Variants in CNBD1 observed in about 807,000 individuals in gnomAD.
The protein encoded by CNBD1 is cyclic nucleotide binding domain containing 1.
Under a neutral mutation model 54.4 loss-of-function variants are expected in CNBD1, and 71 were observed. The observed-to-expected ratio is 1.30, with a 90% CI of 1.08 to 1.59. The LOEUF is 1.59. Among genes scored for constraint, CNBD1 ranks in the 40% most tolerant of loss-of-function variants. The pLI is 0.00. For synonymous variants in CNBD1, 182 were observed against 170.7 expected, an observed-to-expected ratio of 1.07 and a Z score of -0.51; for missense variants, 659 against 518.0, an observed-to-expected ratio of 1.27 and a Z score of -2.64.
chr8:87,399,066 T>C (rs1563587175), intron 2 of CNBD1, among the ~76,000 whole-genome samples: 1 of 152,102 alleles, frequency 6.6e-6, no homozygotes, highest in African/African-American at 2.4e-5. Context: ...GAAAACTACT[T>C]ATTTCATTTA....
At chr8:86,947,185 T>A (rs1339753472) in intron 4 of CNBD1, among the ~76,000 whole-genome samples, 1 of 152,144 alleles carries the variant, frequency 6.6e-6, no homozygotes, top group Non-Finnish European at 1.5e-5. Context: ...ATTCCTTATT[T>A]GTCTCTCCTC....
intron 8 of CNBD1, among the ~76,000 whole-genome samples, chr8:87,320,293 C>G (rs13275422): frequency 0.27 from 40,512 of 151,960 alleles, 6,344 homozygotes; most frequent in Middle Eastern, 0.4. Context: ...ATCCTAATCA[C>G]TTAATTACAT....
At chr8:86,942,930 A>G (rs1310297839) in intron 4 of CNBD1, among the ~76,000 whole-genome samples, 3 of 152,194 alleles carry the variant, frequency 2.0e-5, no homozygotes, top group Non-Finnish European at 4.4e-5. Context: ...CCTTTTGTTT[A>G]TCTCTGACTA....
chr8:87,279,971 A>G (rs549903519), intron 6 of CNBD1, among the ~76,000 whole-genome samples: 3 of 151,552 alleles, frequency 2.0e-5, no homozygotes, highest in African/African-American at 4.8e-5. Flanking sequence ...ATCCTGAAAG[A>G]TATTTTTTTT....
chr8:86,993,015 G>A (rs997669052), intron 4 of CNBD1, among the ~76,000 whole-genome samples: 5 of 152,016 alleles, frequency 3.3e-5, no homozygotes, highest in Admixed American at 3.3e-4. Context: ...TGAAATTATG[G>A]AAATTTTCAT....
intron 4 of CNBD1, among the ~76,000 whole-genome samples, chr8:87,014,292 C>A (rs1355947420): frequency 1.3e-5 from 2 of 148,698 alleles, no homozygotes; most frequent in Non-Finnish European, 3.0e-5. Flanking sequence ...TTTTTTGCAT[C>A]TGTTGATCAA....
At chr8:87,380,957 T>G (rs13278256) in intron 10 of CNBD1, among the ~76,000 whole-genome samples, 114,722 of 151,902 alleles carry the variant, frequency 0.76, 44,441 homozygotes, top group African/African-American at 0.92. Context: ...GAATACGTAG[T>G]TAAAAATATT....
intron 8 of CNBD1, among the ~76,000 whole-genome samples, chr8:87,327,034 C>T (rs1809685086): frequency 6.7e-6 from 1 of 150,076 alleles, no homozygotes; most frequent in African/African-American, 2.5e-5. Flanking sequence ...ACAGCACCCT[C>T]AGCTGCAGAT....
At position 87,292,377 on chromosome 8, in the gene CNBD1, T is replaced by A. The variant is rs184618551; in HGVS notation, c.1042+5706T>A. On this transcript the variant is annotated intron_variant, in intron 8 of 10. Transcript: ENST00000518476. ...TTGAAAGTCTGTTCTCTTCAGTGAA[T>A]CACCAAGAGTAAAAGATTTGTAGAA... is the stretch of plus-strand genomic sequence containing the variant. Among the ~76,000 whole-genome samples the A allele has an allele frequency of 9.2e-5, 14 of 152,336 alleles. No homozygotes were observed. In the East Asian group the frequency reaches 2.7e-3, roughly 29 times the overall value.
At chr8:86,978,621 C>A (rs1325317538) in intron 4 of CNBD1, among the ~76,000 whole-genome samples, 2 of 140,090 alleles carry the variant, frequency 1.4e-5, no homozygotes, top group African/African-American at 2.7e-5. Flanking sequence ...TGGCTCACTG[C>A]AACCTCCGCA....
rs142145203 is a variant in CNBD1, at chr8:87,328,182, G to A, written c.1043-23503G>A. On this transcript the variant is annotated intron_variant, in intron 8 of 10. Transcript: ENST00000518476. ...CCCTGGTGTGTGATGTTCCCTCCCTGTGTCCATTGTTCGATATCCAGTTTT... is the reference window on the plus strand; with the variant it reads ...CCCTGGTGTGTGATGTTCCCTCCCTATGTCCATTGTTCGATATCCAGTTTT... Among the ~76,000 whole-genome samples the A allele has an allele frequency of 3.8e-3, 583 of 151,930 alleles. 5 individuals are homozygous for A. Among genetic ancestry groups the A allele is most frequent in the African/African-American group, 0.013 (559 of 41,446 alleles).
intron 7 of CNBD1, among the ~76,000 whole-genome samples, chr8:87,285,057 T>C (rs1334946644): frequency 6.6e-6 from 1 of 152,116 alleles, no homozygotes; most frequent in Non-Finnish European, 1.5e-5. Flanking sequence ...TGGCTTTTCA[T>C]TAATTTTAAA....
chr8:87,372,605 T>G (rs1644078455), intron 10 of CNBD1, among the ~76,000 whole-genome samples: 1 of 151,902 alleles, frequency 6.6e-6, no homozygotes, highest in African/African-American at 2.4e-5. Flanking sequence ...TAAACATTGA[T>G]GACATTGAAA....
At chr8:87,331,077 C>G (rs978556645) in intron 8 of CNBD1, among the ~76,000 whole-genome samples, 1 of 151,826 alleles carries the variant, frequency 6.6e-6, no homozygotes, top group African/African-American at 2.4e-5. Context: ...ACTTTAAGTT[C>G]GAGGATACAT....
At chr8:86,955,558 T>A (rs1807742803) in intron 4 of CNBD1, among the ~76,000 whole-genome samples, 1 of 152,248 alleles carries the variant, frequency 6.6e-6, no homozygotes, top group Admixed American at 6.5e-5. Context: ...CATTGTGGTT[T>A]TGATTTGCAT....
chr8:87,299,172 A>G (rs1808937983), intron 8 of CNBD1, among the ~76,000 whole-genome samples: 1 of 152,120 alleles, frequency 6.6e-6, no homozygotes, highest in Admixed American at 6.6e-5. Context: ...TCTGGGTTTT[A>G]TTTATTCATT....
intron 8 of CNBD1, among the ~76,000 whole-genome samples, chr8:87,312,309 T>G (rs1479095832): frequency 6.6e-6 from 1 of 152,126 alleles, no homozygotes; most frequent in Non-Finnish European, 1.5e-5. Flanking sequence ...CAATTGTGTG[T>G]GAGTTACATA....
At chr8:87,014,663 T>C (rs1487289718) in intron 4 of CNBD1, among the ~76,000 whole-genome samples, 3 of 152,116 alleles carry the variant, frequency 2.0e-5, no homozygotes, top group African/African-American at 7.2e-5. Context: ...GATCTAAGGT[T>C]ATTATTTGAT....
chr8:87,396,747 T>C (rs1432805775), intron 2 of CNBD1, among the ~76,000 whole-genome samples: 1 of 151,828 alleles, frequency 6.6e-6, no homozygotes, highest in Non-Finnish European at 1.5e-5. Flanking sequence ...TTACATATAT[T>C]GGAAATAATT....
Sources: allele counts gnomAD v4.1 joint callset (sites outside exome capture counted in the v4.1 genomes callset), GRCh38; gene constraint gnomAD v4.1.1; transcripts MANE v1.5; gene names NCBI Gene and HGNC (gene_info 2026-07-23, HGNC 2026-07-21).